SLFN11: variants seen among roughly 807,000 people sequenced by gnomAD.
SLFN11 encodes schlafen family member 11.
A neutral mutation model predicts 53.4 loss-of-function variants in SLFN11; 43 were observed. The observed-to-expected ratio is 0.80, with a 90% confidence interval of 0.63 to 1.04. The LOEUF (loss-of-function observed/expected upper bound fraction) is 1.04, where lower values mean the gene tolerates loss of function less well. Ranked by LOEUF, SLFN11 falls within the 50% of genes least tolerant of loss-of-function variation. The pLI is 0.00. For missense variants in SLFN11, 990 were observed against 1,079.1 expected (o/e 0.92, Z 1.16); for synonymous variants, 389 against 394.7 (o/e 0.99, Z 0.17).
At chr17:35,366,484 CAACA>C (rs1345848793) in intron 3 of SLFN11, among the ~76,000 whole-genome samples, 2 of 151,786 alleles carry the variant, frequency 1.3e-5, no homozygotes, top group African/African-American at 4.8e-5. Flanking sequence ...TAAATACAGT[CAACA>C]AATACCTTGC....
rs1567817377 is a variant in SLFN11 at position 35,353,936 on chromosome 17, A to G, written c.1322T>C (p.Phe441Ser). 3 of 1,614,014 alleles carry G rather than the reference A, an allele frequency of 1.9e-6. No homozygotes were observed. The highest frequency in any genetic ancestry group is 2.5e-6 in the Non-Finnish European group (3 of 1,180,000). Residue 441 changes from phenylalanine to serine, a missense_variant, in exon 6 of 7, where the codon TTC becomes TCC. Physicochemically the swap from Phe to Ser is radical, Grantham distance 155. Around this residue, in one of 3 missense-constraint regions of SLFN11, gnomAD observed 521 missense variants for 516.2 expected, o/e 1.01. Coordinates refer to ENST00000685675, the MANE Select transcript of SLFN11 (RefSeq NM_001376007.1). ...CAGGTCCACAGCCCAACTTCTAGAG[A>G]AGATCAAAATTCCCCGAAAGAAAGG... The part of the protein sequence containing the change: ...MQPFFRGILI[F>S]SRSWAVDLNL...
intron 3 of SLFN11, among the ~76,000 whole-genome samples, chr17:35,364,606 G>C (rs1908718137): frequency 6.6e-6 from 1 of 152,178 alleles, no homozygotes; most frequent in Non-Finnish European, 1.5e-5. Flanking sequence ...TTACAGACCA[G>C]AGTTCATGGA....
In SLFN11 at chr17:35,353,567, A is replaced by G. The variant is rs201829415; in HGVS notation, c.1691T>C (p.Leu564Pro). ...LVIVLLGFRS[L>P]LSDQLGCEVL... Reference sequence around the variant, plus strand: ...CTCACAGCCGAGCTGGTCACTCAAGAGAGACCTGAAGCCGAGTAAGACAAT... The same window carrying G: ...CTCACAGCCGAGCTGGTCACTCAAGGGAGACCTGAAGCCGAGTAAGACAAT... Residue 564 changes from leucine to proline, a missense_variant, in exon 6 of 7, where the codon CTC becomes CCC. Coordinates refer to ENST00000685675, the MANE Select transcript of SLFN11 (RefSeq NM_001376007.1). 1.6e-6 allele frequency: 2 copies of G among 1,266,124 alleles called. No homozygotes were observed. Among genetic ancestry groups the G allele is most frequent in the East Asian group, 5.1e-5 (2 of 39,036 alleles). The allele number at this position is 1,266,124 out of a possible 1,614,324, so 78.4% of individuals were successfully genotyped here.
At chr17:35,356,226 A>G (rs535552366) in intron 5 of SLFN11, among the ~76,000 whole-genome samples, 21 of 152,302 alleles carry the variant, frequency 1.4e-4, no homozygotes, top group African/African-American at 4.8e-4. Flanking sequence ...GCTAATAATT[A>G]GTGTGCTAAG....
In SLFN11 at chr17:35,352,252, AGCTCCGTCC is replaced by A; in HGVS notation, c.*95_*103del. ...GGGGGAGCTCCAAACTCTTTGTGTCAGCTCCGTCCAAATCTCTGACTTGTGAACTAAAAA... is the reference window on the plus strand; with the variant it reads ...GGGGGAGCTCCAAACTCTTTGTGTCAAAATCTCTGACTTGTGAACTAAAAA... On this transcript the variant is annotated 3_prime_UTR_variant, in exon 7 of 7. Transcript: ENST00000685675. 7.0e-7 allele frequency: 1 copy of A among 1,422,656 alleles called. No homozygotes were observed. The highest frequency in any genetic ancestry group is 1.3e-5 in the South Asian group (1 of 74,084). 88.1% of individuals were successfully genotyped at this position (1,422,656 alleles called of 1,614,324 possible).
At position 35,363,243 on chromosome 17, in the gene SLFN11, G is replaced by A. The variant is rs767384532; in HGVS notation, c.565C>T (p.Pro189Ser). 6 of 1,613,942 alleles carry A rather than the reference G, an allele frequency of 3.7e-6. No individual in the cohort carries two copies. Among genetic ancestry groups the A allele is most frequent in the Non-Finnish European group, 5.1e-6 (6 of 1,180,006 alleles). Residue 189 changes from proline (P) to serine (S), a missense_variant, in exon 4 of 7, where the codon CCT (proline) becomes TCT (serine). By Grantham distance (74) the Pro-to-Ser change is moderately conservative. This residue lies in a region of SLFN11 where 521 missense variants were observed against 516.2 expected (regional missense o/e 1.01). Coordinates refer to ENST00000685675, the MANE Select transcript of SLFN11 (RefSeq NM_001376007.1). ...NSDPADPNSD[P>S]ADLIFQKDYL... is the part of the protein sequence containing the mutation. ...TCTTTTTGGAAAATTAGGTCAGCAG[G>A]ATCCGAGTTTGGGTCAGCAGGATCC...
intron 4 of SLFN11, among the ~76,000 whole-genome samples, chr17:35,362,168 T>G (rs773328942): frequency 6.6e-6 from 1 of 152,104 alleles, no homozygotes; most frequent in Non-Finnish European, 1.5e-5. Flanking sequence ...ATGGACAATT[T>G]CAAGCTCCTA....
chr17:35,367,940 G>C (rs1328650973), intron 1 of SLFN11, among the ~76,000 whole-genome samples: 2 of 152,028 alleles, frequency 1.3e-5, no homozygotes, highest in African/African-American at 4.8e-5. Flanking sequence ...ACTCTGATGT[G>C]GACATGCAGG....
chr17:35,370,255 G>A (rs1909481711), intron 1 of SLFN11, among the ~76,000 whole-genome samples: 1 of 152,106 alleles, frequency 6.6e-6, no homozygotes, highest in African/African-American at 2.4e-5. Flanking sequence ...AACTGATGCT[G>A]AGAAAGCACT....
At chr17:35,364,376 T>A (rs12452005) in intron 3 of SLFN11, among the ~76,000 whole-genome samples, 8 of 152,108 alleles carry the variant, frequency 5.3e-5, no homozygotes, top group Non-Finnish European at 8.8e-5. Context: ...CAAAGTCACC[T>A]GCACAGAGGT....
At chr17:35,359,254 T>C (rs185768635) in intron 5 of SLFN11, among the ~76,000 whole-genome samples, 87 of 152,194 alleles carry the variant, frequency 5.7e-4, no homozygotes, top group African/African-American at 1.9e-3. Flanking sequence ...GCTTAAAAGG[T>C]GATTAGCAGC....
intron 3 of SLFN11, among the ~76,000 whole-genome samples, chr17:35,366,216 C>T (rs1291145185): frequency 1.3e-5 from 2 of 151,858 alleles, no homozygotes; most frequent in Admixed American, 6.6e-5. Flanking sequence ...TGGCAGGGAT[C>T]GCATTGATAG....
chr17:35,358,948 T>C (rs1260403603), intron 5 of SLFN11, among the ~76,000 whole-genome samples: 3 of 151,888 alleles, frequency 2.0e-5, no homozygotes, highest in Admixed American at 6.6e-5. Flanking sequence ...AGCCCAGGAG[T>C]TCAAGGCTGC....
intron 3 of SLFN11, among the ~76,000 whole-genome samples, chr17:35,365,462 AT>A (rs71366436): frequency 0.027 from 650 of 24,228 alleles, 2 homozygotes; most frequent in African/African-American, 0.077. Context: ...TTCTTTAAAA[AT>A]TTTTTTTTTT....
At chr17:35,360,936 C>T (rs1304810699) in intron 4 of SLFN11, among the ~76,000 whole-genome samples, 1 of 152,162 alleles carries the variant, frequency 6.6e-6, no homozygotes, top group African/African-American at 2.4e-5. Context: ...CGCCACTGCA[C>T]TCCAGCCTGG....
chr17:35,358,945 G>A (rs1456769158), intron 5 of SLFN11, among the ~76,000 whole-genome samples: 1 of 151,970 alleles, frequency 6.6e-6, no homozygotes, highest in East Asian at 1.9e-4. Context: ...TTGAGCCCAG[G>A]AGTTCAAGGC....
intron 5 of SLFN11, 87 bp downstream of exon 5, chr17:35,360,156 G>A (rs1597711431): frequency 1.4e-6 from 2 of 1,408,952 alleles, no homozygotes; most frequent in African/African-American, 1.5e-5. Flanking sequence ...AGCACTTTCA[G>A]GATTTTACAA....
At chr17:35,357,169 TG>T (rs1907618224) in intron 5 of SLFN11, among the ~76,000 whole-genome samples, 4 of 151,554 alleles carry the variant, frequency 2.6e-5, no homozygotes, top group Non-Finnish European at 5.9e-5. Context: ...TGTGTGTGTG[TG>T]TGTGTGTCTG....
In SLFN11 at chr17:35,360,314, G is replaced by T. The variant is rs1264804436; in HGVS notation, c.1127C>A (p.Pro376His). The T allele has an allele frequency of 6.2e-7, 1 of 1,610,190 alleles. No individual in the cohort carries two copies. The highest frequency in any genetic ancestry group is 1.3e-5 in the African/African-American group (1 of 74,132). ...CTTGGAGTACACTGGTCTGCTAAGG[G>T]GAGGCCCACTAGATAGACTCAGCTG... ...ECQLSLSSGP[P>H]LSRPVYSKKG... The change falls in exon 5 of 7, where the codon CCC becomes CAC. Residue 376 changes from proline (P) to histidine (H), a missense_variant. By Grantham distance (77) the Pro-to-His change is moderately conservative. This residue lies in a region of SLFN11 where 521 missense variants were observed against 516.2 expected (regional missense o/e 1.01). Transcript: ENST00000685675.
Sources: gnomAD v4.1 joint callset for allele counts (sites outside exome capture counted in the v4.1 genomes callset) on GRCh38, gnomAD v4.1.1 for gene constraint, gnomAD v4.1.1 regional missense constraint, MANE v1.5 for transcripts, NCBI Gene and HGNC (gene_info 2026-07-23, HGNC 2026-07-21) for gene names.